LCLAT1: variants seen among roughly 807,000 people sequenced by gnomAD.
LCLAT1 encodes the protein lysocardiolipin acyltransferase 1, also known as 1-AGP acyltransferase 8.
LCLAT1 carries 11 observed loss-of-function variants against 30.7 expected under a neutral mutation model. The observed-to-expected ratio is 0.36, with a 90% CI of 0.23 to 0.59. The LOEUF (loss-of-function observed/expected upper bound fraction) is 0.59, where lower values mean the gene tolerates loss of function less well. LCLAT1 is among the 20% of genes least tolerant of loss of function. The pLI, the probability that LCLAT1 is intolerant of heterozygous loss-of-function variation, is 0.77. For synonymous variants in LCLAT1, 155 were observed against 151.3 expected (o/e 1.02, Z -0.18); for missense variants, 402 against 458.6 (o/e 0.88, Z 1.13).
intron 1 of LCLAT1, among the ~76,000 whole-genome samples, chr2:30,469,769 G>T (rs1032176199): frequency 6.6e-6 from 1 of 151,774 alleles, no homozygotes. Flanking sequence ...TGCCACCTGT[G>T]CCCAGCTAAT....
At chr2:30,617,381 C>T (rs542141939) in intron 5 of LCLAT1, among the ~76,000 whole-genome samples, 11 of 152,212 alleles carry the variant, frequency 7.2e-5, no homozygotes, top group African/African-American at 2.6e-4. Context: ...CTTTTTATTG[C>T]TGATTGGTAT....
intron 1 of LCLAT1, among the ~76,000 whole-genome samples, chr2:30,474,894 C>T (rs959598269): frequency 6.6e-6 from 1 of 152,112 alleles, no homozygotes; most frequent in African/African-American, 2.4e-5. Flanking sequence ...TCAAGCAATT[C>T]TCCCACCTTG....
At chr2:30,465,638 G>A (rs1682381504) in intron 1 of LCLAT1, among the ~76,000 whole-genome samples, 1 of 152,010 alleles carries the variant, frequency 6.6e-6, no homozygotes, top group Admixed American at 6.5e-5. Context: ...TTATTTATTG[G>A]TTCTCAGTGT....
At chr2:30,616,624 G>C (rs1295881616) in intron 5 of LCLAT1, among the ~76,000 whole-genome samples, 2 of 152,208 alleles carry the variant, frequency 1.3e-5, no homozygotes, top group East Asian at 3.9e-4. Context: ...AAGAAAACAT[G>C]GTAGTTATTA....
chr2:30,581,399 C>G (rs1666208049), intron 5 of LCLAT1, among the ~76,000 whole-genome samples: 1 of 152,162 alleles, frequency 6.6e-6, no homozygotes, highest in African/African-American at 2.4e-5. Context: ...CATCTTAAGA[C>G]TCACACAGTT....
intron 5 of LCLAT1, among the ~76,000 whole-genome samples, chr2:30,627,449 G>A (rs907804864): frequency 6.6e-6 from 1 of 152,142 alleles, no homozygotes; most frequent in African/African-American, 2.4e-5. Context: ...CTAGGTGCAT[G>A]AGCCATGCAG....
At chr2:30,529,590 T>A (rs960829927) in intron 2 of LCLAT1, among the ~76,000 whole-genome samples, 2 of 152,228 alleles carry the variant, frequency 1.3e-5, no homozygotes, top group African/African-American at 4.8e-5. Flanking sequence ...CCTGGGATTA[T>A]GAAAATTACT....
intron 1 of LCLAT1, among the ~76,000 whole-genome samples, chr2:30,524,654 A>C (rs940578977): frequency 2.0e-5 from 3 of 152,324 alleles, no homozygotes; most frequent in Non-Finnish European, 2.9e-5. Context: ...AATATATGCT[A>C]TGCTACCTGC....
chr2:30,626,906 A>C (rs181947863), intron 5 of LCLAT1, among the ~76,000 whole-genome samples: 2 of 152,106 alleles, frequency 1.3e-5, no homozygotes, highest in African/African-American at 4.8e-5. Context: ...AAAAAGAGGA[A>C]TATTTTATTA....
At chr2:30,573,970 A>G (rs1665889573) in intron 5 of LCLAT1, among the ~76,000 whole-genome samples, 1 of 152,014 alleles carries the variant, frequency 6.6e-6, no homozygotes, top group Non-Finnish European at 1.5e-5. Context: ...ACGAAACCCC[A>G]TCTCTACTAA....
intron 5 of LCLAT1, among the ~76,000 whole-genome samples, chr2:30,611,854 C>T (rs535494481): frequency 6.6e-6 from 1 of 152,276 alleles, no homozygotes; most frequent in African/African-American, 2.4e-5. Context: ...AAGAGTTTCT[C>T]CTGGGAGGAG....
intron 1 of LCLAT1, among the ~76,000 whole-genome samples, chr2:30,499,266 C>T (rs1024084558): frequency 3.0e-4 from 46 of 152,162 alleles, no homozygotes; most frequent in Admixed American, 9.2e-4. Context: ...TGCAAACCTC[C>T]ACCTCCTGGG....
intron 5 of LCLAT1, among the ~76,000 whole-genome samples, chr2:30,613,355 C>T (rs1667830734): frequency 6.6e-6 from 1 of 151,934 alleles, no homozygotes; most frequent in Admixed American, 6.6e-5. Flanking sequence ...GGTGGGCAAA[C>T]AGAGAAACCA....
At chr2:30,469,082 C>G (rs1682630399) in intron 1 of LCLAT1, among the ~76,000 whole-genome samples, 1 of 152,110 alleles carries the variant, frequency 6.6e-6, no homozygotes, top group Non-Finnish European at 1.5e-5. Context: ...AAGTCCTTTA[C>G]TCATTTAAAA....
chr2:30,498,557 CTTCT>C (rs1434701934), intron 1 of LCLAT1, among the ~76,000 whole-genome samples: 1 of 152,094 alleles, frequency 6.6e-6, no homozygotes, highest in Non-Finnish European at 1.5e-5. Flanking sequence ...GATTTTCAGG[CTTCT>C]TTGTTTGAAG....
chr2:30,593,302 A>C (rs1446382372), intron 5 of LCLAT1, among the ~76,000 whole-genome samples: 2 of 150,120 alleles, frequency 1.3e-5, no homozygotes, highest in Non-Finnish European at 3.0e-5. Context: ...TTCTTTTCCC[A>C]TTCATCCGTT....
intron 1 of LCLAT1, among the ~76,000 whole-genome samples, chr2:30,488,774 C>T (rs1276147842): frequency 6.6e-6 from 1 of 152,144 alleles, no homozygotes; most frequent in East Asian, 1.9e-4. Flanking sequence ...CAAGTCAGTG[C>T]AAAGCTCGTA....
At chr2:30,497,929 A>G (rs1684197964) in intron 1 of LCLAT1, among the ~76,000 whole-genome samples, 1 of 152,164 alleles carries the variant, frequency 6.6e-6, no homozygotes, top group African/African-American at 2.4e-5. Context: ...TGCTACACAA[A>G]TGTAAAGTTG....
intron 1 of LCLAT1, among the ~76,000 whole-genome samples, chr2:30,524,738 C>CA (rs1685627099): frequency 8.5e-6 from 1 of 118,082 alleles, no homozygotes; most frequent in Admixed American, 1.0e-4. Flanking sequence ...GTTCAAGGAA[C>CA]CTTTATTTTA....
Sources: allele counts gnomAD v4.1 joint callset (sites outside exome capture counted in the v4.1 genomes callset), GRCh38; gene constraint gnomAD v4.1.1; transcripts MANE v1.5; gene names NCBI Gene and HGNC (gene_info 2026-07-23, HGNC 2026-07-21).